MACC1: variants seen among roughly 807,000 people sequenced by gnomAD.
The protein encoded by MACC1 is MET transcriptional regulator MACC1.
In MACC1, 79 loss-of-function variants were observed where a neutral mutation model predicts 70.7. That is an observed-to-expected ratio of 1.12 (90% CI 0.93 to 1.35). The LOEUF is 1.35. Ranked by LOEUF, MACC1 falls within the 40% of genes most tolerant of loss-of-function variation. MACC1 has a pLI of 0.00. For synonymous variants in MACC1, 361 were observed against 347.2 expected, an observed-to-expected ratio of 1.04 and a Z score of -0.44; for missense variants, 1,106 against 978.1, an observed-to-expected ratio of 1.13 and a Z score of -1.74.
intron 6 of MACC1, among the ~76,000 whole-genome samples, chr7:20,143,882 T>C (rs190187301): frequency 7.9e-5 from 12 of 152,184 alleles, no homozygotes; most frequent in African/African-American, 2.6e-4. Flanking sequence ...CTCCCTGGAG[T>C]GTAAGCTGTA....
intron 1 of MACC1, among the ~76,000 whole-genome samples, chr7:20,211,233 A>C (rs1373805592): frequency 6.6e-6 from 1 of 152,110 alleles, no homozygotes; most frequent in Admixed American, 6.5e-5. Context: ...TCTCTAAAAG[A>C]GGTATAATAG....
chr7:20,145,525 A>G (rs1170505246), intron 6 of MACC1, among the ~76,000 whole-genome samples: 1 of 152,134 alleles, frequency 6.6e-6, no homozygotes, highest in Non-Finnish European at 1.5e-5. Flanking sequence ...GCAGTAGAAA[A>G]TAGAGGTATT....
At chr7:20,155,282 G>C (rs1015281770) in intron 5 of MACC1, among the ~76,000 whole-genome samples, 15 of 152,322 alleles carry the variant, frequency 9.8e-5, no homozygotes, top group African/African-American at 3.6e-4. Context: ...AGGCTGTCCA[G>C]TGGATGCCTG....
chr7:20,204,122 GAATTTATTGCTC>G (rs1782872843), intron 1 of MACC1, among the ~76,000 whole-genome samples: 1 of 152,082 alleles, frequency 6.6e-6, no homozygotes, highest in Non-Finnish European at 1.5e-5. Context: ...ATTGAAGCCT[GAATTTATTGCTC>G]AATTTATTGC....
chr7:20,172,318 A>G (rs1232213039), intron 1 of MACC1, among the ~76,000 whole-genome samples: 1 of 152,256 alleles, frequency 6.6e-6, no homozygotes, highest in Non-Finnish European at 1.5e-5. Flanking sequence ...GGAGCAAACC[A>G]GGATGGCTGG....
intron 1 of MACC1, among the ~76,000 whole-genome samples, chr7:20,193,202 T>C (rs568758720): frequency 6.6e-6 from 1 of 152,288 alleles, no homozygotes; most frequent in South Asian, 2.1e-4. Context: ...GAGAATCATA[T>C]ATAATAGAAA....
intron 6 of MACC1, among the ~76,000 whole-genome samples, chr7:20,142,726 AAAG>A (rs1562579212): frequency 6.6e-6 from 1 of 152,222 alleles, no homozygotes; most frequent in African/African-American, 2.4e-5. Flanking sequence ...GCTCAGTTGC[AAAG>A]AATCACTAAA....
At chr7:20,149,077 T>A (rs1330141064) in intron 6 of MACC1, among the ~76,000 whole-genome samples, 1 of 152,178 alleles carries the variant, frequency 6.6e-6, no homozygotes, top group Admixed American at 6.5e-5. Flanking sequence ...CAAGGACATT[T>A]CTTTTAACTT....
chr7:20,197,177 A>C (rs866556651), intron 1 of MACC1, among the ~76,000 whole-genome samples: 8 of 152,340 alleles, frequency 5.3e-5, no homozygotes, highest in Admixed American at 2.6e-4. Flanking sequence ...GCTATTTGGA[A>C]TTTCTGACAA....
Position 20,140,907 on chromosome 7 carries a change from ACCT to A in MACC1, c.*36_*38del, listed in dbSNP as rs1363045676. ...CAGACACACACACACACACACCATT[ACCT>A]CATTTTCCCTCCCATCAAAAACACA... On this transcript the variant is annotated 3_prime_UTR_variant, in exon 7 of 7. Transcript: ENST00000400331. 1 of 1,423,106 alleles carries A rather than the reference ACCT, an allele frequency of 7.0e-7. No individual in the cohort carries two copies. Among genetic ancestry groups the A allele is most frequent in the Non-Finnish European group, 9.8e-7 (1 of 1,021,254 alleles). The allele number at this position is 1,423,106 out of a possible 1,614,324, so 88.2% of individuals were successfully genotyped here.
chr7:20,180,800 T>G (rs1782492291), intron 1 of MACC1, among the ~76,000 whole-genome samples: 2 of 152,074 alleles, frequency 1.3e-5, no homozygotes, highest in Non-Finnish European at 2.9e-5. Flanking sequence ...TGAGGTGAGA[T>G]TTCACCACTG....
In MACC1 at chr7:20,141,153, C is replaced by T; in HGVS notation, c.2352G>A (p.Met784Ile). 1 of 1,585,918 alleles carries T rather than the reference C, an allele frequency of 6.3e-7. No individual in the cohort carries two copies. Among genetic ancestry groups the T allele is most frequent in the East Asian group, 2.3e-5 (1 of 44,018 alleles). Residue 784 changes from methionine to isoleucine, a missense_variant, in exon 7 of 7, where the codon ATG becomes ATA. Physicochemically the swap from Met to Ile is conservative, Grantham distance 10. Transcript: ENST00000400331. ...ACAGAAAATCATAGGCAGGTTTCCA[C>T]ATCATCTATAAAGAAAAAAAATAGA... is the stretch of plus-strand genomic sequence containing the variant. The part of the protein sequence containing the change: ...GNTGDVAVEM[M>I]WKPAYDFLYT...
intron 2 of MACC1, among the ~76,000 whole-genome samples, chr7:20,165,574 G>C (rs989321681): frequency 6.6e-6 from 1 of 151,352 alleles, no homozygotes; most frequent in Non-Finnish European, 1.5e-5. Context: ...ACCAAGATCT[G>C]CCTGGACAAT....
chr7:20,213,822 G>A (rs560513720), intron 1 of MACC1, among the ~76,000 whole-genome samples: 1 of 152,134 alleles, frequency 6.6e-6, no homozygotes, highest in African/African-American at 2.4e-5. Flanking sequence ...TAATACCTGG[G>A]TGATGAAATA....
chr7:20,166,485 C>T (rs553747497), intron 2 of MACC1, among the ~76,000 whole-genome samples: 3 of 152,270 alleles, frequency 2.0e-5, no homozygotes, highest in South Asian at 4.1e-4. Flanking sequence ...AATAGTGGCA[C>T]TCTCTGATTG....
At chr7:20,186,703 A>G (rs1269828211) in intron 1 of MACC1, among the ~76,000 whole-genome samples, 2 of 152,148 alleles carry the variant, frequency 1.3e-5, no homozygotes, top group African/African-American at 4.8e-5. Flanking sequence ...AAGATTCCTT[A>G]GGGAATATAA....
At chr7:20,191,298 C>T (rs1462553145) in intron 1 of MACC1, among the ~76,000 whole-genome samples, 1 of 152,174 alleles carries the variant, frequency 6.6e-6, no homozygotes, top group East Asian at 1.9e-4. Context: ...ACCCATGGGC[C>T]TACTTGCACT....
chr7:20,159,400 T>G lies in MACC1; in HGVS notation c.961A>C (p.Lys321Gln), dbSNP rs34343727. Residue 321 changes from lysine to glutamine, a missense_variant, in exon 5 of 7, where the codon AAA becomes CAA. By Grantham distance (53) the Lys-to-Gln change is moderately conservative (BLOSUM62 1). Coordinates refer to ENST00000400331, the MANE Select transcript of MACC1 (RefSeq NM_182762.4). The stretch of plus-strand genomic sequence containing the variant: ...TAAATGTAGCAGTTGCTTAAAACTT[T>G]AAAAGGGCCTTCTTTACCCAAGCTG... ...LHSLGKEGPF[K>Q]VLSNCYIYKD... 425 of 1,614,076 alleles carry G rather than the reference T, an allele frequency of 2.6e-4. 2 individuals are homozygous for G. In the African/African-American group the frequency reaches 5.1e-3, roughly 19 times the overall value.
At chr7:20,177,009 T>C (rs1386589714) in intron 1 of MACC1, among the ~76,000 whole-genome samples, 6 of 151,632 alleles carry the variant, frequency 4.0e-5, no homozygotes, top group Non-Finnish European at 8.8e-5. Flanking sequence ...CACTGGCAGT[T>C]ATACAAATCT....
Sources: gnomAD v4.1 joint callset for allele counts (sites outside exome capture counted in the v4.1 genomes callset) on GRCh38, gnomAD v4.1.1 for gene constraint, MANE v1.5 for transcripts, NCBI Gene and HGNC (gene_info 2026-07-23, HGNC 2026-07-21) for gene names.